The following C8orf76 variants were observed in gnomAD, a reference collection of about 807,000 sequenced individuals.
C8orf76 encodes chromosome 8 open reading frame 76.
A neutral mutation model predicts 38.1 loss-of-function variants in C8orf76; 46 were observed. The observed-to-expected ratio is 1.21, with a 90% CI of 0.95 to 1.54. The LOEUF is 1.54. C8orf76 is among the 40% of genes most tolerant of loss of function. The pLI is 0.00. For missense variants in C8orf76, 461 were observed against 441.6 expected (o/e 1.04, Z -0.39); for synonymous variants, 166 against 167.5 (o/e 0.99, Z 0.07).
intron 1 of C8orf76, chr8:123,239,483 C>T (rs568416565): frequency 1.1e-5 from 2 of 175,770 alleles, no homozygotes; most frequent in South Asian, 2.8e-4. Flanking sequence ...AGATATGGTG[C>T]TATTATGAAA....
rs1450097801 is a variant in C8orf76, at chr8:123,239,097, A to G, written c.165T>C (p.Thr55=). Residue 55 remains threonine (T), a synonymous_variant, in exon 2 of 6, where the codon ACT becomes ACC. Transcript: ENST00000276704. ...TESSDDVEVL[T]LKKFKGDLAY... ...CCAGGTCTCCTTTGAATTTCTTGAGAGTCAGCACTTCAACATCATCACTGC... is the reference window on the plus strand; with the variant it reads ...CCAGGTCTCCTTTGAATTTCTTGAGGGTCAGCACTTCAACATCATCACTGC... The G allele has an allele frequency of 1.2e-6, 2 of 1,614,038 alleles. No individual in the cohort carries two copies. Among genetic ancestry groups the G allele is most frequent in the Non-Finnish European group, 1.7e-6 (2 of 1,180,032 alleles).
intron 3 of C8orf76, among the ~76,000 whole-genome samples, chr8:123,235,351 C>G (rs1281360994): frequency 6.6e-6 from 1 of 152,156 alleles, no homozygotes; most frequent in Non-Finnish European, 1.5e-5. Flanking sequence ...TTCAATGTTA[C>G]ATACTGCGAC....
chr8:123,241,345 ATCTC>A lies in C8orf76; in HGVS notation c.-3_1del. The A allele has an allele frequency of 6.4e-7, 1 of 1,557,964 alleles. No individual in the cohort carries two copies. The highest frequency in any genetic ancestry group is 1.2e-5 in the South Asian group (1 of 85,228). On this transcript the variant is annotated start_lost and 5_prime_UTR_variant, in exon 1 of 6. Transcript: ENST00000276704. ...GCCGAACAACCAGCACCCGGAATCCATCTCGCGCCCGCGGCGGGGGCAACGAGGA... is the reference window on the plus strand; with the variant it reads ...GCCGAACAACCAGCACCCGGAATCCAGCGCCCGCGGCGGGGGCAACGAGGA...
At chr8:123,226,312 C>G (rs933248860) in intron 5 of C8orf76, 188 bp downstream of exon 5, 57 of 1,433,418 alleles carry the variant, frequency 4.0e-5, no homozygotes, top group Admixed American at 1.3e-4. Flanking sequence ...CCTGCGGTCC[C>G]GCACGCTGCA....
chr8:123,227,648 C>G (rs1248804847), intron 4 of C8orf76, among the ~76,000 whole-genome samples: 1 of 151,954 alleles, frequency 6.6e-6, no homozygotes, highest in Non-Finnish European at 1.5e-5. Flanking sequence ...GGCTCTGACA[C>G]AGGAACAAAT....
intron 4 of C8orf76, among the ~76,000 whole-genome samples, chr8:123,229,668 C>T (rs1332267633): frequency 1.3e-5 from 2 of 152,156 alleles, no homozygotes; most frequent in African/African-American, 4.8e-5. Context: ...ATTCAATGTG[C>T]CTCTGAATTA....
chr8:123,225,910 G>A (rs945116237), intron 5 of C8orf76, among the ~76,000 whole-genome samples: 2 of 150,736 alleles, frequency 1.3e-5, no homozygotes, highest in Non-Finnish European at 2.9e-5. Flanking sequence ...GGGAGACAAA[G>A]CAAGACTCTG....
chr8:123,221,711 T>C (rs1196233048), intron 5 of C8orf76, among the ~76,000 whole-genome samples: 3 of 151,680 alleles, frequency 2.0e-5, no homozygotes, highest in African/African-American at 7.3e-5. Flanking sequence ...GCTGGGATTA[T>C]AGATGTGAAT....
intron 3 of C8orf76, among the ~76,000 whole-genome samples, chr8:123,232,764 T>C (rs975053487): frequency 1.3e-5 from 2 of 152,082 alleles, no homozygotes; most frequent in African/African-American, 4.8e-5. Flanking sequence ...ACAGAACACA[T>C]CTCGTTTTAT....
chr8:123,236,130 G>C (rs149891609), intron 3 of C8orf76, among the ~76,000 whole-genome samples: 1 of 152,180 alleles, frequency 6.6e-6, no homozygotes, highest in Non-Finnish European at 1.5e-5. Context: ...TCCTCGAATT[G>C]CAAGAGGCTG....
intron 5 of C8orf76, among the ~76,000 whole-genome samples, chr8:123,225,989 A>G (rs1367635752): frequency 6.6e-6 from 1 of 152,178 alleles, no homozygotes; most frequent in East Asian, 1.9e-4. Context: ...TTGAATTTCT[A>G]TGCAACCATC....
chr8:123,220,108 C>A lies in C8orf76; in HGVS notation c.1138G>T (p.Ala380Ser). 1 of 1,599,958 alleles carries A rather than the reference C, an allele frequency of 6.3e-7. No homozygotes were observed. The highest frequency in any genetic ancestry group is 8.5e-7 in the Non-Finnish European group (1 of 1,174,234). The change falls in exon 6 of 6, where the codon GCT (alanine) becomes TCT (serine). Residue 380 changes from alanine to serine, a missense_variant. Coordinates refer to ENST00000276704, the MANE Select transcript of C8orf76 (RefSeq NM_032847.3). ...NQFHTEIQIL[A>S] ...GTTTTGTTTTTTATAACCCACTAAG[C>A]CAAGATTTGTATCTCTGTATGGAAC... is the stretch of plus-strand genomic sequence containing the variant.
chr8:123,225,521 G>T (rs1340936348), intron 5 of C8orf76, among the ~76,000 whole-genome samples: 3 of 152,234 alleles, frequency 2.0e-5, no homozygotes, highest in Admixed American at 6.5e-5. Context: ...AGAGGCCAAG[G>T]GAATCTTTAG....
At position 123,234,661 on chromosome 8, in the gene C8orf76, T is replaced by G. The variant is rs142003146; in HGVS notation, c.358-2904A>C. On this transcript the variant is annotated intron_variant, in intron 3 of 5. Coordinates refer to ENST00000276704, the MANE Select transcript of C8orf76 (RefSeq NM_032847.3). The stretch of plus-strand genomic sequence containing the variant: ...GCGGGCACCTCTAATCCCAGCTACT[T>G]GGGTGGCTGAGACAGGTGAATCGCT... 3.8e-3 allele frequency among the ~76,000 whole-genome samples: 581 copies of G among 152,104 alleles called. 6 individuals carry two copies. Among genetic ancestry groups the G allele is most frequent in the African/African-American group, 0.013 (550 of 41,488 alleles).
In C8orf76 at chr8:123,241,336, C is replaced by G. The variant is rs1460379057; in HGVS notation, c.11G>C (p.Gly4Ala). Residue 4 changes from glycine to alanine, a missense_variant, in exon 1 of 6, where the codon GGG (glycine) becomes GCG (alanine). Physicochemically the swap from Gly to Ala is moderately conservative, Grantham distance 60. Coordinates refer to ENST00000276704, the MANE Select transcript of C8orf76 (RefSeq NM_032847.3). Reference sequence around the variant, plus strand: ...GAACTCGCCGCCGAACAACCAGCACCCGGAATCCATCTCGCGCCCGCGGCG... The same window carrying G: ...GAACTCGCCGCCGAACAACCAGCACGCGGAATCCATCTCGCGCCCGCGGCG... MDSGCWLFGGEFED... is the reference protein window; with the variant it reads MDSACWLFGGEFED... The G allele has an allele frequency of 8.3e-6, 13 of 1,562,594 alleles. No individual in the cohort carries two copies. The highest frequency in any genetic ancestry group is 1.7e-4 in the Middle Eastern group (1 of 5,948).
At chr8:123,222,034 A>G (rs144873842) in intron 5 of C8orf76, among the ~76,000 whole-genome samples, 2,702 of 152,000 alleles carry the variant, frequency 0.018, 90 homozygotes, top group African/African-American at 0.062. Context: ...TGTCGCCCAG[A>G]CTGGAGTGCA....
At chr8:123,233,134 C>A (rs951106718) in intron 3 of C8orf76, among the ~76,000 whole-genome samples, 8 of 152,074 alleles carry the variant, frequency 5.3e-5, no homozygotes, top group African/African-American at 1.9e-4. Flanking sequence ...AATCCTCCTG[C>A]CTCAGCCTCC....
chr8:123,224,257 T>C (rs552693639), intron 5 of C8orf76, among the ~76,000 whole-genome samples: 10 of 152,224 alleles, frequency 6.6e-5, no homozygotes, highest in East Asian at 5.8e-4. Flanking sequence ...AAAAAAAGCA[T>C]GTGATCATAG....
At chr8:123,231,834 CAAGTTGTAT>C in intron 3 of C8orf76, 77 bp from the exon 4 acceptor site, 1 of 1,423,708 alleles carries the variant, frequency 7.0e-7, no homozygotes, top group Non-Finnish European at 9.4e-7. Context: ...CCTAAAAAAC[CAAGTTGTAT>C]ATGTTATAAA....
Sources: allele counts gnomAD v4.1 joint callset (sites outside exome capture counted in the v4.1 genomes callset), GRCh38; gene constraint gnomAD v4.1.1; transcripts MANE v1.5; gene names NCBI Gene and HGNC (gene_info 2026-07-23, HGNC 2026-07-21).